The following FGF13 variants were observed in gnomAD, a reference collection of about 807,000 sequenced individuals.
The protein encoded by FGF13 is fibroblast growth factor 13.
In FGF13, 2 loss-of-function variants were observed where a neutral mutation model predicts 19.5. That is an observed-to-expected ratio of 0.10 (90% CI 0.04 to 0.32). The LOEUF is 0.32. FGF13 is among the 10% of genes least tolerant of loss of function. The pLI is 1.00. For synonymous variants in FGF13, 72 were observed against 76.9 expected, an observed-to-expected ratio of 0.94 and a Z score of 0.33; for missense variants, 113 against 192.7, an observed-to-expected ratio of 0.59 and a Z score of 2.45.
intron 3 of FGF13, among the ~76,000 whole-genome samples, chrX:138,761,342 A>G (rs1235202067): frequency 1.8e-5 from 2 of 111,330 alleles, no homozygotes; most frequent in African/African-American, 6.5e-5. Flanking sequence ...TACTCTCATT[A>G]CTATACTCAG....
intron 1 of FGF13, among the ~76,000 whole-genome samples, chrX:139,184,048 A>T (rs2084261149): frequency 8.9e-6 from 1 of 112,377 alleles, no homozygotes; most frequent in African/African-American, 3.2e-5. Context: ...AGACATCAGA[A>T]CAGTTAATAC....
chrX:139,156,118 T>C (rs1342246359), intron 1 of FGF13, among the ~76,000 whole-genome samples: 2 of 112,139 alleles, frequency 1.8e-5, no homozygotes, highest in Non-Finnish European at 3.8e-5. Flanking sequence ...GAATACAAAA[T>C]GATGAACATA....
At chrX:139,085,549 G>A (rs909897129) in intron 1 of FGF13, among the ~76,000 whole-genome samples, 48 of 111,979 alleles carry the variant, frequency 4.3e-4, no homozygotes, top group Non-Finnish European at 8.1e-4. Context: ...CAAAATAGGT[G>A]ACTCTAATGT....
intron 1 of FGF13, among the ~76,000 whole-genome samples, chrX:138,992,014 G>A (rs1174774847): frequency 9.0e-6 from 1 of 111,409 alleles, no homozygotes; most frequent in African/African-American, 3.3e-5. Context: ...ACAGCATCTT[G>A]CTATTGTTTT....
At chrX:139,166,652 G>A (rs1018202743) in intron 1 of FGF13, among the ~76,000 whole-genome samples, 21 of 111,212 alleles carry the variant, frequency 1.9e-4, no homozygotes, top group African/African-American at 6.5e-4. Flanking sequence ...ACAGTGTTGG[G>A]AAGTGAGGCC....
chrX:139,165,825 C>A (rs1213504332), intron 1 of FGF13, among the ~76,000 whole-genome samples: 2 of 111,700 alleles, frequency 1.8e-5, no homozygotes, highest in East Asian at 5.7e-4. Context: ...ATGATAGTCT[C>A]CACTTAGATT....
chrX:138,768,556 C>T (rs369712878), intron 3 of FGF13, among the ~76,000 whole-genome samples: 7 of 108,652 alleles, frequency 6.4e-5, no homozygotes, highest in South Asian at 3.9e-4. Context: ...TTATATTTTA[C>T]GACAAAATTA....
At chrX:138,671,154 T>A (rs2089607567) in intron 3 of FGF13, among the ~76,000 whole-genome samples, 1 of 111,372 alleles carries the variant, frequency 9.0e-6, no homozygotes, top group Admixed American at 9.6e-5. Flanking sequence ...TTTCAAATAC[T>A]CACAATGCTC....
intron 1 of FGF13, among the ~76,000 whole-genome samples, chrX:139,100,151 T>A (rs1235897461): frequency 9.1e-6 from 1 of 110,398 alleles, no homozygotes; most frequent in African/African-American, 3.3e-5. Context: ...GAACTCATTG[T>A]AATAGTATGG....
At chrX:138,687,929 C>T (rs763670729) in intron 3 of FGF13, among the ~76,000 whole-genome samples, 21 of 109,429 alleles carry the variant, frequency 1.9e-4, no homozygotes, top group Admixed American at 9.9e-4. Context: ...TGTTCTCACT[C>T]GCATATGGGA....
chrX:139,144,857 T>C (rs1321657662), intron 1 of FGF13, among the ~76,000 whole-genome samples: 1 of 108,621 alleles, frequency 9.2e-6, no homozygotes, highest in South Asian at 3.7e-4. Context: ...TATTGAATTA[T>C]AAATAAAAAC....
chrX:139,163,922 CT>C (rs2084056876), intron 1 of FGF13, among the ~76,000 whole-genome samples: 1 of 110,880 alleles, frequency 9.0e-6, no homozygotes, highest in South Asian at 3.8e-4. Flanking sequence ...GCACAGCATG[CT>C]TATTTGGTAT....
At chrX:138,996,778 T>C in intron 1 of FGF13, among the ~76,000 whole-genome samples, 2 of 112,405 alleles carry the variant, frequency 1.8e-5, no homozygotes, top group South Asian at 7.4e-4. Flanking sequence ...CATCCCTGCC[T>C]GACAGCTCTG....
intron 1 of FGF13, among the ~76,000 whole-genome samples, chrX:138,972,501 C>A (rs949941593): frequency 9.3e-6 from 1 of 108,066 alleles, no homozygotes; most frequent in African/African-American, 3.4e-5. Context: ...GGACTACAGG[C>A]GCCGGCCACC....
intron 3 of FGF13, among the ~76,000 whole-genome samples, chrX:138,812,646 G>A: frequency 9.0e-6 from 1 of 111,036 alleles, no homozygotes; most frequent in Non-Finnish European, 1.9e-5. Context: ...AGAAAAGTTG[G>A]GAAATATAGT....
chrX:138,688,166 T>C (rs2089803548), intron 3 of FGF13, among the ~76,000 whole-genome samples: 1 of 108,835 alleles, frequency 9.2e-6, no homozygotes, highest in South Asian at 4.2e-4. Context: ...GATTTCACCA[T>C]GTTAGCCAGG....
chrX:139,047,137 G>C (rs1385883710), intron 1 of FGF13, among the ~76,000 whole-genome samples: 2 of 111,895 alleles, frequency 1.8e-5, no homozygotes, highest in Non-Finnish European at 3.8e-5. Context: ...GAATTCCCTG[G>C]CTACTTGAAG....
chrX:139,104,717 C>A, intron 1 of FGF13, among the ~76,000 whole-genome samples: 1 of 110,707 alleles, frequency 9.0e-6, no homozygotes, highest in Admixed American at 9.6e-5. Context: ...TGAAAACAAA[C>A]AACTACCCCT....
intron 3 of FGF13, among the ~76,000 whole-genome samples, chrX:138,643,249 T>G: frequency 1.8e-5 from 2 of 112,346 alleles, no homozygotes; most frequent in Middle Eastern, 4.6e-3. Context: ...TAAAGCAATG[T>G]CATACAATGG....
Sources: allele counts gnomAD v4.1 joint callset (sites outside exome capture counted in the v4.1 genomes callset), GRCh38; gene constraint gnomAD v4.1.1; transcripts MANE v1.5; gene names NCBI Gene and HGNC (gene_info 2026-07-23, HGNC 2026-07-21).